The following TRAF6 variants were observed in gnomAD, a reference collection of about 807,000 sequenced individuals.
TRAF6 encodes the protein TNF receptor-associated factor 6.
TRAF6 carries 10 observed loss-of-function variants against 48.4 expected under a neutral mutation model. The ratio of observed to expected loss-of-function variants is 0.21; its 90% CI spans 0.13 to 0.35. TRAF6 has a LOEUF of 0.35. Among genes scored for constraint, TRAF6 ranks in the 10% least tolerant of loss-of-function variants. The pLI is 1.00. For synonymous variants in TRAF6, 186 were observed against 219.6 expected, an observed-to-expected ratio of 0.85 and a Z score of 1.35; for missense variants, 397 against 661.0, an observed-to-expected ratio of 0.60 and a Z score of 4.38.
chr11:36,499,975 T>C (rs1859693972), intron 2 of TRAF6, among the ~76,000 whole-genome samples: 1 of 152,224 alleles, frequency 6.6e-6, no homozygotes, highest in Non-Finnish European at 1.5e-5. Flanking sequence ...TATAGTAAAA[T>C]GTATCTATTT....
intron 1 of TRAF6, among the ~76,000 whole-genome samples, chr11:36,507,865 C>T (rs1013735686): frequency 7.3e-4 from 103 of 140,170 alleles, no homozygotes; most frequent in African/African-American, 2.5e-3. Context: ...TATACACACA[C>T]TTTTTTTTTT....
At chr11:36,496,384 C>A (rs1335264584) in intron 4 of TRAF6, 1 of 152,122 alleles carries the variant, frequency 6.6e-6, no homozygotes, top group Non-Finnish European at 1.5e-5. Flanking sequence ...TCGAGACCAG[C>A]CTGACCAACA....
chr11:36,498,392 C>G, intron 3 of TRAF6, 98 bp downstream of exon 3: 1 of 1,028,378 alleles, frequency 9.7e-7, no homozygotes. Flanking sequence ...TCATCATATG[C>G]TAGGTACTGG....
At chr11:36,509,907 A>C (rs1337290654) in intron 1 of TRAF6, 141 bp downstream of exon 1, 1 of 149,032 alleles carries the variant, frequency 6.7e-6, no homozygotes, top group Non-Finnish European at 1.5e-5. Flanking sequence ...GGGACAGGGG[A>C]GGCGTCCCCG....
rs574844046 is a variant in TRAF6 at position 36,490,690 on chromosome 11, C to T, written c.757-40G>A. 6 of 1,554,522 alleles carry T rather than the reference C, an allele frequency of 3.9e-6. No individual in the cohort carries two copies. The highest frequency in any genetic ancestry group is 3.6e-5 in the South Asian group (3 of 82,676). Reference sequence around the variant, plus strand: ...CAAGCCTTAGGCTGGGAATAGATACCGTGAGGAGTAGGAAAAGGACCTGGC... The same window carrying T: ...CAAGCCTTAGGCTGGGAATAGATACTGTGAGGAGTAGGAAAAGGACCTGGC... On this transcript the variant is annotated intron_variant, in intron 6 of 6. Coordinates refer to ENST00000526995, the MANE Select transcript of TRAF6 (RefSeq NM_004620.4). The surrounding 1 kb of genome is among the most constrained non-coding windows in gnomAD (Gnocchi z 6.4).
intron 2 of TRAF6, among the ~76,000 whole-genome samples, chr11:36,499,529 C>T (rs1050109325): frequency 1.3e-5 from 2 of 152,216 alleles, no homozygotes; most frequent in Non-Finnish European, 2.9e-5. Context: ...AGCTACCTTC[C>T]TGGGCATGGC....
chr11:36,498,582 G>A lies in TRAF6; in HGVS notation c.355C>T (p.Pro119Ser). The part of the protein sequence containing the change: ...NEILLENQLF[P>S]DNFAKREILS... ...ATCTCACGTTTTGCAAAATTGTCTG[G>A]AAATAGTTGATTTTCCAGCAGTATT... is the stretch of plus-strand genomic sequence containing the variant. The change falls in exon 3 of 7, where the codon CCA (proline) becomes TCA (serine). Residue 119 changes from proline to serine, a missense_variant. Transcript: ENST00000526995. 1 of 1,613,394 alleles carries A rather than the reference G, an allele frequency of 6.2e-7. No homozygotes were observed. Among genetic ancestry groups the A allele is most frequent in the South Asian group, 1.1e-5 (1 of 90,940 alleles).
chr11:36,487,433 T>C lies in TRAF6; in HGVS notation c.*2405A>G, dbSNP rs767268524. 6.6e-6 allele frequency: 1 copy of C among 152,236 alleles called. No homozygotes were observed. The highest frequency in any genetic ancestry group is 2.4e-5 in the African/African-American group (1 of 41,466). The allele number at this position is 152,236 out of a possible 1,614,324, so 9.4% of individuals were successfully genotyped here. ...TGACCAGCATAAAATAACTGGCTGG[T>C]TTATGACAAAATGCCAAATGTTGGG... On this transcript the variant is annotated 3_prime_UTR_variant, in exon 7 of 7. Coordinates refer to ENST00000526995, the MANE Select transcript of TRAF6 (RefSeq NM_004620.4).
At position 36,497,271 on chromosome 11, in the gene TRAF6, A is replaced by G. The variant is rs1859651559; in HGVS notation, c.448-5T>C. ...CTCACAATGTGCTTGATGATCCTAT[A>G]ATTAAAAAAATAATGGATTAGCATT... On this transcript the variant is annotated splice_region_variant and splice_polypyrimidine_tract_variant and intron_variant, in intron 3 of 6. Transcript: ENST00000526995. 6.6e-7 allele frequency: 1 copy of G among 1,512,280 alleles called. No individual in the cohort carries two copies. Among genetic ancestry groups the G allele is most frequent in the Non-Finnish European group, 8.8e-7 (1 of 1,130,084 alleles). 93.7% of individuals were successfully genotyped at this position (1,512,280 alleles called of 1,614,324 possible).
chr11:36,498,424 A>G (rs1015828354), intron 3 of TRAF6, 66 bp downstream of exon 3: 2 of 1,465,720 alleles, frequency 1.4e-6, no homozygotes, highest in Admixed American at 4.2e-5. Flanking sequence ...TGGACACAGC[A>G]AAGTCCCTAT....
rs1281516456 is a variant in TRAF6 at position 36,489,637 on chromosome 11, A to G, written c.*201T>C. 3 of 621,582 alleles carry G rather than the reference A, an allele frequency of 4.8e-6. No homozygotes were observed. The highest frequency in any genetic ancestry group is 8.2e-6 in the Non-Finnish European group (3 of 363,738). 38.5% of individuals were successfully genotyped at this position (621,582 alleles called of 1,614,324 possible). On this transcript the variant is annotated 3_prime_UTR_variant, in exon 7 of 7. Coordinates refer to ENST00000526995, the MANE Select transcript of TRAF6 (RefSeq NM_004620.4). ...ACTTCAGGCCTAACATTTCTGAAAA[A>G]GCATGGAACGTGTGGATTCCCAGGA...
At chr11:36,505,713 A>G (rs757359688) in intron 1 of TRAF6, among the ~76,000 whole-genome samples, 2 of 152,216 alleles carry the variant, frequency 1.3e-5, no homozygotes, top group African/African-American at 2.4e-5. Flanking sequence ...TTCAGTAAGC[A>G]TAATTATTTC....
chr11:36,490,996 G>A lies in TRAF6; in HGVS notation c.757-346C>T, dbSNP rs191142845. On this transcript the variant is annotated intron_variant, in intron 6 of 6. Coordinates refer to ENST00000526995, the MANE Select transcript of TRAF6 (RefSeq NM_004620.4). This position sits in a 1 kb window ranked among gnomAD's most constrained non-coding sequence, Gnocchi z 6.4. ...CTCTAAATGTTACCTGACCTGTTGC[G>A]ACACCCCAGAGATTTTACTCAGTGA... Among the ~76,000 whole-genome samples the A allele has an allele frequency of 1.3e-3, 201 of 152,076 alleles. No individual in the cohort carries two copies. Among genetic ancestry groups the A allele is most frequent in the Non-Finnish European group, 2.2e-3 (149 of 67,976 alleles).
intron 5 of TRAF6, among the ~76,000 whole-genome samples, chr11:36,494,387 C>A (rs969800713): frequency 2.0e-5 from 3 of 152,016 alleles, no homozygotes; most frequent in Admixed American, 6.6e-5. Context: ...AACAAAAAAA[C>A]CCCACCATAT....
chr11:36,503,180 T>C (rs1034241172), intron 1 of TRAF6, among the ~76,000 whole-genome samples: 4 of 152,224 alleles, frequency 2.6e-5, no homozygotes, highest in Non-Finnish European at 5.9e-5. Flanking sequence ...CTTTATTTTA[T>C]TACACTAAAG....
intron 4 of TRAF6, 80 bp from the exon 5 acceptor site, chr11:36,495,127 T>A: frequency 1.9e-6 from 2 of 1,046,350 alleles, no homozygotes; most frequent in South Asian, 2.7e-5. Context: ...TAAAAAGCAA[T>A]TTTTCACTAT....
rs144634161 is a variant in TRAF6, at chr11:36,486,807, C to G, written c.*3031G>C. On this transcript the variant is annotated 3_prime_UTR_variant, in exon 7 of 7. Coordinates refer to ENST00000526995, the MANE Select transcript of TRAF6 (RefSeq NM_004620.4). ...AAGTTTCATCCAACAGTGGGTTGGA[C>G]GCTGGGCGTGGTGGCTCATGCCTGT... Among the ~76,000 whole-genome samples, 2 of 152,030 alleles carry G rather than the reference C, an allele frequency of 1.3e-5. No homozygotes were observed. The highest frequency in any genetic ancestry group is 2.9e-5 in the Non-Finnish European group (2 of 67,998).
intron 1 of TRAF6, among the ~76,000 whole-genome samples, chr11:36,504,472 C>T (rs538957807): frequency 2.6e-5 from 4 of 152,156 alleles, no homozygotes; most frequent in Non-Finnish European, 5.9e-5. Flanking sequence ...CATGAGACTG[C>T]AGAAATTCAG....
intron 1 of TRAF6, among the ~76,000 whole-genome samples, chr11:36,505,951 A>C (rs1859778735): frequency 6.6e-6 from 1 of 152,166 alleles, no homozygotes; most frequent in Admixed American, 6.5e-5. Flanking sequence ...GTACTCCAAA[A>C]CAACAATTAC....
Sources: gnomAD v4.1 joint callset for allele counts (sites outside exome capture counted in the v4.1 genomes callset) on GRCh38, gnomAD v4.1.1 for gene constraint, Gnocchi (gnomAD v3.1) non-coding constraint, MANE v1.5 for transcripts, NCBI Gene and HGNC (gene_info 2026-07-23, HGNC 2026-07-21) for gene names.